Variants in SNX16 observed in about 807,000 individuals in gnomAD.
SNX16 encodes sorting nexin-16.
A neutral mutation model predicts 36.7 loss-of-function variants in SNX16; 35 were observed. The ratio of observed to expected loss-of-function variants is 0.95; its 90% confidence interval spans 0.73 to 1.27. The LOEUF (loss-of-function observed/expected upper bound fraction) is 1.27. SNX16 is among the 50% of genes most tolerant of loss of function. The pLI, the probability that SNX16 is intolerant of heterozygous loss-of-function variation, is 0.00. For missense variants in SNX16, 367 were observed against 393.6 expected (o/e 0.93, Z 0.57); for synonymous variants, 134 against 132.0 (o/e 1.02, Z -0.10).
intron 4 of SNX16, among the ~76,000 whole-genome samples, chr8:81,821,084 C>T (rs1037251016): frequency 4.0e-5 from 6 of 149,938 alleles, no homozygotes; most frequent in African/African-American, 1.5e-4. Flanking sequence ...TAATATATGA[C>T]AAAGGCAGGT....
intron 7 of SNX16, among the ~76,000 whole-genome samples, chr8:81,802,149 A>C (rs990377326): frequency 2.6e-5 from 4 of 151,742 alleles, no homozygotes; most frequent in East Asian, 3.8e-4. Flanking sequence ...CTCTAAAGTA[A>C]GTAATGAGAA....
intron 5 of SNX16, chr8:81,807,883 G>C: frequency 1.3e-6 from 1 of 765,772 alleles, no homozygotes; most frequent in Non-Finnish European, 2.4e-6. Context: ...TGAGCAATGG[G>C]GAACCCTCAC....
chr8:81,808,172 T>C (rs1037589494), intron 5 of SNX16: 45 of 1,331,188 alleles, frequency 3.4e-5, no homozygotes, highest in South Asian at 2.2e-4. Context: ...ATGGAAGTGA[T>C]TGAAATCATG....
chr8:81,823,845 T>C lies in SNX16; in HGVS notation c.558A>G (p.Leu186=). The change falls in exon 4 of 8, where the codon TTA becomes TTG. Residue 186 remains leucine (L), a synonymous_variant. Coordinates refer to ENST00000345957, the MANE Select transcript of SNX16 (RefSeq NM_152836.3). ...YNADFLEDRQ[L]GLQAFLQNLV... is the part of the protein sequence containing the mutation. ...AATTTTGAAGAAACGCTTGTAATCC[T>C]AATTGTCTGTCTTCTAAAAAGTCAG... The C allele has an allele frequency of 6.2e-7, 1 of 1,612,246 alleles. No individual in the cohort carries two copies. The highest frequency in any genetic ancestry group is 8.5e-7 in the Non-Finnish European group (1 of 1,179,040).
chr8:81,808,058 A>C, intron 5 of SNX16: 1 of 1,000,526 alleles, frequency 1.0e-6, no homozygotes, highest in South Asian at 1.3e-5. Context: ...GAAGATTCTC[A>C]AAGACCAGTT....
intron 3 of SNX16, among the ~76,000 whole-genome samples, chr8:81,826,105 G>C (rs1313556977): frequency 6.6e-6 from 1 of 151,654 alleles, no homozygotes; most frequent in Non-Finnish European, 1.5e-5. Flanking sequence ...GAAGATAAGG[G>C]ATAGAGAAAA....
intron 5 of SNX16, chr8:81,807,941 T>C: frequency 2.6e-6 from 2 of 781,570 alleles, no homozygotes; most frequent in Non-Finnish European, 4.6e-6. Context: ...TCCAGGGGCT[T>C]TGGGTTTGTC....
At chr8:81,818,516 T>C (rs1810590226) in intron 4 of SNX16, among the ~76,000 whole-genome samples, 1 of 152,136 alleles carries the variant, frequency 6.6e-6, no homozygotes, top group African/African-American at 2.4e-5. Flanking sequence ...TCCCATTTAA[T>C]AATTCCCTCT....
At chr8:81,828,976 TGCCCA>T (rs1811128484) in intron 3 of SNX16, among the ~76,000 whole-genome samples, 1 of 152,154 alleles carries the variant, frequency 6.6e-6, no homozygotes, top group Admixed American at 6.5e-5. Context: ...TCCAGATAAG[TGCCCA>T]GCCCAGCTAA....
chr8:81,802,233 TA>T, intron 7 of SNX16, 146 bp downstream of exon 7: 1 of 523,650 alleles, frequency 1.9e-6, no homozygotes, highest in Non-Finnish European at 3.0e-6. Flanking sequence ...AGGAAAAGCC[TA>T]AAATATTTCC....
chr8:81,823,306 C>T (rs1019775741), intron 4 of SNX16, among the ~76,000 whole-genome samples: 11 of 152,006 alleles, frequency 7.2e-5, no homozygotes, highest in Admixed American at 3.3e-4. Context: ...AAAAAACCCA[C>T]ATAGATCTGT....
intron 5 of SNX16, among the ~76,000 whole-genome samples, chr8:81,806,896 A>G (rs1323496800): frequency 6.6e-6 from 1 of 152,128 alleles, no homozygotes; most frequent in East Asian, 1.9e-4. Context: ...AAAAATGATG[A>G]GGAATCCTAT....
chr8:81,815,457 C>G (rs994332673), intron 4 of SNX16, 63 bp from the exon 5 acceptor site: 14 of 1,406,226 alleles, frequency 1.0e-5, no homozygotes, highest in Admixed American at 3.6e-5. Flanking sequence ...TAGCAAAAAG[C>G]AAAAGTTACT....
chr8:81,822,676 G>A (rs1340817513), intron 4 of SNX16, among the ~76,000 whole-genome samples: 1 of 151,954 alleles, frequency 6.6e-6, no homozygotes, highest in Admixed American at 6.6e-5. Flanking sequence ...ATGACTCACA[G>A]GTTCTGGGTA....
At position 81,803,333 on chromosome 8, in the gene SNX16, C is replaced by G. The variant is rs534995159; in HGVS notation, c.682-105G>C. On this transcript the variant is annotated intron_variant, in intron 5 of 7. Transcript: ENST00000345957. ...AGCATTATTGAAGAGTCAAAGAACA[C>G]AGATAATCAAAATAATAGTATGAAA... 8.6e-4 allele frequency: 978 copies of G among 1,138,182 alleles called. 1 individual carries two copies. Among genetic ancestry groups the G allele is most frequent in the Admixed American group, 1.5e-3 (50 of 33,468 alleles). 70.5% of individuals were successfully genotyped at this position (1,138,182 alleles called of 1,614,324 possible). A position where few individuals can be genotyped will look rare whatever the true frequency, so the allele number is the denominator to read the frequency against.
chr8:81,813,718 T>C (rs1420035186), intron 5 of SNX16, among the ~76,000 whole-genome samples: 1 of 151,850 alleles, frequency 6.6e-6, no homozygotes, highest in East Asian at 1.9e-4. Context: ...AAAGATTTTA[T>C]AACTGAATAA....
intron 2 of SNX16, among the ~76,000 whole-genome samples, chr8:81,833,760 T>C: frequency 6.6e-6 from 1 of 152,338 alleles, no homozygotes; most frequent in African/African-American, 2.4e-5. Context: ...GACTTTTGTG[T>C]TCTATCTCTT....
At chr8:81,818,458 A>C (rs1429462897) in intron 4 of SNX16, among the ~76,000 whole-genome samples, 1 of 152,134 alleles carries the variant, frequency 6.6e-6, no homozygotes, top group East Asian at 1.9e-4. Flanking sequence ...AGAATTATTG[A>C]ATTTTTTTTA....
intron 3 of SNX16, among the ~76,000 whole-genome samples, chr8:81,829,019 T>C (rs1340101916): frequency 6.6e-6 from 1 of 152,216 alleles, no homozygotes; most frequent in African/African-American, 2.4e-5. Context: ...TGCTTGATGC[T>C]AAGCAAGGAA....
Sources: allele counts gnomAD v4.1 joint callset (sites outside exome capture counted in the v4.1 genomes callset), GRCh38; gene constraint gnomAD v4.1.1; transcripts MANE v1.5; gene names NCBI Gene and HGNC (gene_info 2026-07-23, HGNC 2026-07-21).